The following BRINP3 variants were observed in gnomAD, a reference collection of about 807,000 sequenced individuals.
BRINP3 encodes BMP/retinoic acid-inducible neural-specific protein 3.
BRINP3 carries 19 observed loss-of-function variants against 71.0 expected under a neutral mutation model. The ratio of observed to expected loss-of-function variants is 0.27; its 90% CI spans 0.19 to 0.39. The LOEUF (loss-of-function observed/expected upper bound fraction) is 0.39. BRINP3 is among the 10% of genes least tolerant of loss of function. The pLI, the probability that BRINP3 is intolerant of heterozygous loss-of-function variation, is 1.00. For synonymous variants in BRINP3, 380 were observed against 337.7 expected (o/e 1.13, Z -1.37); for missense variants, 959 against 940.8 (o/e 1.02, Z -0.25).
intron 2 of BRINP3, among the ~76,000 whole-genome samples, chr1:190,318,867 C>T (rs1666053518): frequency 6.6e-6 from 1 of 152,084 alleles, no homozygotes; most frequent in African/African-American, 2.4e-5. Flanking sequence ...AAGTGAAACA[C>T]TTTTCTGCTT....
At position 190,234,391 on chromosome 1, in the gene BRINP3, C is replaced by A. The variant is rs1362399422; in HGVS notation, c.705G>T (p.Glu235Asp). 1 of 1,610,762 alleles carries A rather than the reference C, an allele frequency of 6.2e-7. No individual in the cohort carries two copies. The highest frequency in any genetic ancestry group is 1.7e-5 in the Admixed American group (1 of 59,798). ...ACATACCTTGCAACTGAATCTTATT[C>A]TCAGGACTCTGAACCAGAACAGAAC... ...SVSSVLVQSP[E>D]NKIQLQGLQV... is the part of the protein sequence containing the mutation. Residue 235 changes from glutamate to aspartate, a missense_variant, in exon 5 of 8, where the codon GAG becomes GAT. Physicochemically the swap from Glu to Asp is conservative, Grantham distance 45 (BLOSUM62 2). Coordinates refer to ENST00000367462, the MANE Select transcript of BRINP3 (RefSeq NM_199051.3).
At chr1:190,421,076 G>A (rs550018394) in intron 2 of BRINP3, among the ~76,000 whole-genome samples, 2 of 151,180 alleles carry the variant, frequency 1.3e-5, no homozygotes, top group Non-Finnish European at 3.0e-5. Flanking sequence ...TACTCACAAC[G>A]GCACAAATAT....
chr1:190,452,086 T>C (rs932266067), intron 2 of BRINP3, among the ~76,000 whole-genome samples: 3 of 152,138 alleles, frequency 2.0e-5, no homozygotes, highest in East Asian at 1.9e-4. Flanking sequence ...TATTTAAATA[T>C]GGAAAACATT....
chr1:190,229,220 T>A (rs1657701438), intron 5 of BRINP3, among the ~76,000 whole-genome samples: 2 of 151,976 alleles, frequency 1.3e-5, no homozygotes, highest in South Asian at 4.1e-4. Flanking sequence ...TCCCCACATG[T>A]CGTGGGAGGG....
chr1:190,341,913 T>C (rs755589201), intron 2 of BRINP3, among the ~76,000 whole-genome samples: 2 of 151,820 alleles, frequency 1.3e-5, no homozygotes, highest in Non-Finnish European at 2.9e-5. Flanking sequence ...TGTTAAAGTT[T>C]TGCAAGTCAG....
At chr1:190,363,390 T>C (rs1167063661) in intron 2 of BRINP3, among the ~76,000 whole-genome samples, 2 of 152,202 alleles carry the variant, frequency 1.3e-5, no homozygotes, top group Admixed American at 6.5e-5. Flanking sequence ...TTTGTTGTTT[T>C]AGGCAAATAA....
chr1:190,418,198 C>T (rs1673130356), intron 2 of BRINP3, among the ~76,000 whole-genome samples: 1 of 151,896 alleles, frequency 6.6e-6, no homozygotes, highest in Non-Finnish European at 1.5e-5. Context: ...GAATATTTAG[C>T]CCCCCACCAT....
intron 6 of BRINP3, among the ~76,000 whole-genome samples, chr1:190,198,767 C>A (rs1036925938): frequency 6.6e-6 from 1 of 152,130 alleles, no homozygotes; most frequent in Admixed American, 6.5e-5. Context: ...TTGGTAAAAA[C>A]AAAATCAACA....
intron 2 of BRINP3, among the ~76,000 whole-genome samples, chr1:190,423,570 A>C (rs1359451610): frequency 6.6e-6 from 1 of 151,836 alleles, no homozygotes; most frequent in Non-Finnish European, 1.5e-5. Flanking sequence ...TGACAAGAAA[A>C]ATGTTGCGAA....
At chr1:190,266,417 T>G (rs560559163) in intron 3 of BRINP3, among the ~76,000 whole-genome samples, 1 of 152,152 alleles carries the variant, frequency 6.6e-6, no homozygotes, top group Non-Finnish European at 1.5e-5. Flanking sequence ...CATTTCTTGT[T>G]GGTATTTGGA....
intron 2 of BRINP3, among the ~76,000 whole-genome samples, chr1:190,442,338 A>G (rs1674880113): frequency 6.6e-6 from 1 of 152,176 alleles, no homozygotes; most frequent in South Asian, 2.1e-4. Context: ...AGGCCACAGC[A>G]AAACAGAGAT....
At chr1:190,432,462 C>A (rs558783532) in intron 2 of BRINP3, among the ~76,000 whole-genome samples, 1 of 152,110 alleles carries the variant, frequency 6.6e-6, no homozygotes, top group East Asian at 1.9e-4. Context: ...AAAGTGAAAT[C>A]CATGATTTTA....
chr1:190,430,102 T>C (rs1199653321), intron 2 of BRINP3, among the ~76,000 whole-genome samples: 1 of 152,166 alleles, frequency 6.6e-6, no homozygotes, highest in African/African-American at 2.4e-5. Flanking sequence ...CTCTCATCTG[T>C]TTTTCCCCAT....
intron 4 of BRINP3, among the ~76,000 whole-genome samples, chr1:190,251,649 AT>A (rs1283262534): frequency 6.6e-6 from 1 of 152,062 alleles, no homozygotes; most frequent in African/African-American, 2.4e-5. Flanking sequence ...AATAAAAGAA[AT>A]TGAGGAAAAG....
intron 2 of BRINP3, among the ~76,000 whole-genome samples, chr1:190,386,910 T>A (rs2102283113): frequency 6.6e-6 from 1 of 152,180 alleles, no homozygotes; most frequent in East Asian, 1.9e-4. Context: ...TCATAAACAT[T>A]ATTTTAAAGT....
intron 2 of BRINP3, among the ~76,000 whole-genome samples, chr1:190,453,903 TTG>T (rs778277544): frequency 7.2e-5 from 11 of 152,154 alleles, no homozygotes; most frequent in Non-Finnish European, 5.9e-5. Context: ...AATAAACAAA[TTG>T]AAGTGATAGC....
chr1:190,359,943 T>G (rs551553025), intron 2 of BRINP3, among the ~76,000 whole-genome samples: 1 of 152,208 alleles, frequency 6.6e-6, no homozygotes, highest in South Asian at 2.1e-4. Flanking sequence ...TGTGTGCGGG[T>G]GACATACAAG....
intron 6 of BRINP3, among the ~76,000 whole-genome samples, chr1:190,196,912 C>T (rs959015028): frequency 3.3e-5 from 5 of 149,678 alleles, no homozygotes; most frequent in South Asian, 2.1e-4. Flanking sequence ...ATAAGCTCAT[C>T]GTTATTATAA....
At chr1:190,233,628 A>G (rs866476485) in intron 5 of BRINP3, among the ~76,000 whole-genome samples, 18 of 152,212 alleles carry the variant, frequency 1.2e-4, no homozygotes, top group African/African-American at 4.3e-4. Flanking sequence ...ATAACAACTC[A>G]AAATTACCTC....
Sources: gnomAD v4.1 joint callset for allele counts (sites outside exome capture counted in the v4.1 genomes callset) on GRCh38, gnomAD v4.1.1 for gene constraint, MANE v1.5 for transcripts, NCBI Gene and HGNC (gene_info 2026-07-23, HGNC 2026-07-21) for gene names.